ERBB2: variants seen among roughly 807,000 people sequenced by gnomAD.
ERBB2 encodes erb-b2 receptor tyrosine kinase 2.
A neutral mutation model predicts 149.0 loss-of-function variants in ERBB2; 61 were observed. That is an observed-to-expected ratio of 0.41 (90% confidence interval 0.33 to 0.51). The LOEUF (loss-of-function observed/expected upper bound fraction) is 0.51, where lower values mean the gene tolerates loss of function less well. ERBB2 is among the 20% of genes least tolerant of loss of function. The pLI is 0.25. For synonymous variants in ERBB2, 633 were observed against 678.8 expected, an observed-to-expected ratio of 0.93 and a Z score of 1.05; for missense variants, 1,205 against 1,655.1, an observed-to-expected ratio of 0.73 and a Z score of 4.72.
At chr17:39,695,722 C>CACACACACACACACAT (rs2057845923), upstream of ERBB2, among the ~76,000 whole-genome samples, 6 of 149,192 alleles carry the variant, frequency 4.0e-5, no homozygotes, top group African/African-American at 1.5e-4. Flanking sequence ...CACACACACA[C>CACACACACACACACAT]ACACACACAC....
chr17:39,720,802 A>T (rs1029153890), intron 16 of ERBB2, among the ~76,000 whole-genome samples: 1 of 152,050 alleles, frequency 6.6e-6, no homozygotes, highest in African/African-American at 2.4e-5. Context: ...GGCACATGCC[A>T]CCACACCCAG....
At chr17:39,705,848 C>T (rs4252604) in intron 1 of ERBB2, among the ~76,000 whole-genome samples, 4 of 152,178 alleles carry the variant, frequency 2.6e-5, no homozygotes, top group East Asian at 1.9e-4. Context: ...CTGTGGGAGG[C>T]GGAGCAGTGA....
chr17:39,695,658 A>G (rs564927003), upstream of ERBB2, among the ~76,000 whole-genome samples: 1 of 147,254 alleles, frequency 6.8e-6, no homozygotes, highest in Admixed American at 6.9e-5. Flanking sequence ...TCTGACCCCA[A>G]GCTGGCTGGT....
intron 1 of ERBB2, among the ~76,000 whole-genome samples, chr17:39,704,588 T>G (rs938565043): frequency 6.6e-6 from 1 of 151,654 alleles, no homozygotes; most frequent in Admixed American, 6.6e-5. Flanking sequence ...AGAAAACCAA[T>G]GGGACAGGGC....
chr17:39,703,470 T>G (rs1223995910), intron 1 of ERBB2: 1 of 152,262 alleles, frequency 6.6e-6, no homozygotes, highest in Non-Finnish European at 1.5e-5. Context: ...AGAATTATTC[T>G]AGCGAATGTT....
chr17:39,697,591 G>A (rs1002206876), upstream of ERBB2, among the ~76,000 whole-genome samples: 13 of 151,954 alleles, frequency 8.6e-5, no homozygotes, highest in Non-Finnish European at 1.3e-4. Flanking sequence ...CCCGACCTCA[G>A]GTGATCCACC....
chr17:39,710,958 G>T lies in ERBB2; in HGVS notation c.901+477G>T, dbSNP rs117866580. ...CGAATTTAGTTAGCTCTATCGCAGT[G>T]GCGCGATCTCGGCTCACTGCAACCT... On this transcript the variant is annotated intron_variant, in intron 7 of 26. Coordinates refer to ENST00000269571, the MANE Select transcript of ERBB2 (RefSeq NM_004448.4). 7.8e-3 allele frequency among the ~76,000 whole-genome samples: 1,188 copies of T among 152,324 alleles called. 15 individuals carry two copies. The highest frequency in any genetic ancestry group is 0.012 in the Non-Finnish European group (800 of 68,038).
chr17:39,720,850 A>G (rs1205894249), intron 16 of ERBB2, among the ~76,000 whole-genome samples: 2 of 152,118 alleles, frequency 1.3e-5, no homozygotes, highest in Admixed American at 6.6e-5. Context: ...GGGTTTCACC[A>G]TGTTGGCCAG....
chr17:39,720,167 G>T (rs966238993), intron 16 of ERBB2: 4 of 283,864 alleles, frequency 1.4e-5, no homozygotes, highest in African/African-American at 8.8e-5. Flanking sequence ...AGGGAGTGAT[G>T]AATTCTTAAC....
At position 39,715,782 on chromosome 17, in the gene ERBB2, G is replaced by T. The variant is rs4252633; in HGVS notation, c.1356G>T (p.Trp452Cys). 2.5e-3 allele frequency: 3,990 copies of T among 1,608,802 alleles called. 95 individuals carry two copies. The African/African-American group carries it at 0.047, about 19-fold the overall frequency. The change falls in exon 12 of 27, where the codon TGG becomes TGT. Residue 452 changes from tryptophan to cysteine, a missense_variant. This residue lies in a region of ERBB2 where 569 missense variants were observed against 803.5 expected (regional missense o/e 0.71). Transcript: ENST00000269571. Reference sequence around the variant, plus strand: ...CCCTGCAAGGGCTGGGCATCAGCTGGCTGGGGCTGCGCTCACTGAGGGAAC... The same window carrying T: ...CCCTGCAAGGGCTGGGCATCAGCTGTCTGGGGCTGCGCTCACTGAGGGAAC... ...SLTLQGLGIS[W>C]LGLRSLRELG...
At position 39,728,080 on chromosome 17, in the gene ERBB2, C is replaced by T. The variant is rs1406963176; in HGVS notation, c.*36C>T. The T allele has an allele frequency of 6.9e-7, 1 of 1,451,336 alleles. No homozygotes were observed. Among genetic ancestry groups the T allele is most frequent in the East Asian group, 2.3e-5 (1 of 43,668 alleles). 89.9% of individuals were successfully genotyped at this position (1,451,336 alleles called of 1,614,324 possible). A position where few individuals can be genotyped will look rare whatever the true frequency, so the allele number is the denominator to read the frequency against. The stretch of plus-strand genomic sequence containing the variant: ...CAAGTCCGCAGAAGCCCTGATGTGT[C>T]CTCAGGGAGCAGGGAAGGCCTGACT... On this transcript the variant is annotated 3_prime_UTR_variant, in exon 27 of 27. Coordinates refer to ENST00000269571, the MANE Select transcript of ERBB2 (RefSeq NM_004448.4).
At chr17:39,724,661 G>A (rs1373730102) in intron 19 of ERBB2, 65 bp from the exon 20 acceptor site, 2 of 1,453,838 alleles carry the variant, frequency 1.4e-6, no homozygotes, top group African/African-American at 1.4e-5. Context: ...GTGATGGTTG[G>A]GAGGCTGTGT....
rs2058824189 is a variant in ERBB2, at chr17:39,711,951, G to A, written c.925G>A (p.Gly309Arg). ...CPYNYLSTDV[G>R]SCTLVCPLHN... Reference sequence around the variant, plus strand: ...AGACAACTACCTTTCTACGGACGTGGGATCCTGCACCCTCGTCTGCCCCCT... The same window carrying A: ...AGACAACTACCTTTCTACGGACGTGAGATCCTGCACCCTCGTCTGCCCCCT... Residue 309 changes from glycine (G) to arginine (R), a missense_variant, in exon 8 of 27, where the codon GGA becomes AGA. By Grantham distance (125) the Gly-to-Arg change is moderately radical (BLOSUM62 -2). Coordinates refer to ENST00000269571, the MANE Select transcript of ERBB2 (RefSeq NM_004448.4). 1.2e-6 allele frequency: 2 copies of A among 1,614,000 alleles called. No homozygotes were observed. The highest frequency in any genetic ancestry group is 1.3e-5 in the African/African-American group (1 of 74,916).
At chr17:39,710,549 T>A (rs146791861) in intron 7 of ERBB2, 68 bp downstream of exon 7, 1 of 1,559,242 alleles carries the variant, frequency 6.4e-7, no homozygotes, top group Non-Finnish European at 8.8e-7. Context: ...AATGGGAGCA[T>A]ATGGGGAGCA....
In ERBB2 at chr17:39,723,579, G is replaced by A. The variant is rs2059567102; in HGVS notation, c.2127G>A (p.Gln709=). 6.2e-7 allele frequency: 1 copy of A among 1,610,336 alleles called. No homozygotes were observed. Among genetic ancestry groups the A allele is most frequent in the Non-Finnish European group, 8.5e-7 (1 of 1,178,284 alleles). ...CACCTAGCGGAGCGATGCCCAACCAGGCGCAGATGCGGATCCTGAAAGAGA... is the reference window on the plus strand; with the variant it reads ...CACCTAGCGGAGCGATGCCCAACCAAGCGCAGATGCGGATCCTGAAAGAGA... ...PLTPSGAMPN[Q]AQMRILKETE... is the part of the protein sequence containing the mutation. Residue 709 remains glutamine, a synonymous_variant, in exon 18 of 27, where the codon CAG becomes CAA. Coordinates refer to ENST00000269571, the MANE Select transcript of ERBB2 (RefSeq NM_004448.4). The surrounding 1 kb of genome is among the most constrained non-coding windows in gnomAD (Gnocchi z 6.2).
chr17:39,704,348 G>A (rs2058291789), intron 1 of ERBB2, among the ~76,000 whole-genome samples: 1 of 152,114 alleles, frequency 6.6e-6, no homozygotes, highest in South Asian at 2.1e-4. Context: ...GGCCGAGACG[G>A]GCGGATCACA....
rs2143210285 is a variant in ERBB2, at chr17:39,727,196, G to A, written c.3160-99G>A. On this transcript the variant is annotated intron_variant, in intron 25 of 26. Transcript: ENST00000269571. The surrounding 1 kb of genome is among the most constrained non-coding windows in gnomAD (Gnocchi z 4.3). ...ACGGTGACTGTGTCATACCCCAAAG[G>A]TGACCTCTGTTTTTCTCCTGTGACC... 2.1e-6 allele frequency: 3 copies of A among 1,455,252 alleles called. No individual in the cohort carries two copies. Among genetic ancestry groups the A allele is most frequent in the Non-Finnish European group, 2.8e-6 (3 of 1,058,714 alleles). 90.1% of individuals were successfully genotyped at this position (1,455,252 alleles called of 1,614,324 possible). A position where few individuals can be genotyped will look rare whatever the true frequency, so the allele number is the denominator to read the frequency against.
In ERBB2 at chr17:39,709,929, G is replaced by A. The variant is rs150391819; in HGVS notation, c.643+48G>A. 15,950 of 1,579,026 alleles carry A rather than the reference G, an allele frequency of 0.01. 121 individuals are homozygous for A. Among genetic ancestry groups the A allele is most frequent in the Middle Eastern group, 0.016 (94 of 5,996 alleles). ...GTCAGGGAAGGGGAGGGCTGGGGCC[G>A]GGTGGAATGCAGGTGTCATACAGGT... On this transcript the variant is annotated intron_variant, in intron 5 of 26. Coordinates refer to ENST00000269571, the MANE Select transcript of ERBB2 (RefSeq NM_004448.4).
In ERBB2 at chr17:39,710,472, G is replaced by A. The variant is rs2058731493; in HGVS notation, c.892G>A (p.Ala298Thr). 6.2e-7 allele frequency: 1 copy of A among 1,613,824 alleles called. No homozygotes were observed. Among genetic ancestry groups the A allele is most frequent in the Non-Finnish European group, 8.5e-7 (1 of 1,180,052 alleles). ...RYTFGASCVT[A>T]CPYNYLSTDV... ...TACATTCGGCGCCAGCTGTGTGACT[G>A]CCTGTCCCTGTGAGTGCCAGGGAGA... Residue 298 changes from alanine to threonine, a missense_variant, in exon 7 of 27, where the codon GCC (alanine) becomes ACC (threonine). Ala to Thr is a moderately conservative substitution (Grantham distance 58). This residue lies in a region of ERBB2 where 569 missense variants were observed against 803.5 expected (regional missense o/e 0.71). Coordinates refer to ENST00000269571, the MANE Select transcript of ERBB2 (RefSeq NM_004448.4).
Sources: allele counts gnomAD v4.1 joint callset (sites outside exome capture counted in the v4.1 genomes callset), GRCh38; gene constraint gnomAD v4.1.1; regional missense constraint gnomAD v4.1.1; non-coding constraint Gnocchi (gnomAD v3.1); transcripts MANE v1.5; gene names NCBI Gene and HGNC (gene_info 2026-07-23, HGNC 2026-07-21).